TMEM132B: variants seen among roughly 807,000 people sequenced by gnomAD.
TMEM132B encodes the protein transmembrane protein 132B.
TMEM132B carries 18 observed loss-of-function variants against 90.8 expected under a neutral mutation model. The observed-to-expected ratio is 0.20, with a 90% CI of 0.14 to 0.29. The LOEUF is 0.29. Among genes scored for constraint, TMEM132B ranks in the 10% least tolerant of loss-of-function variants. TMEM132B has a pLI of 1.00. For synonymous variants in TMEM132B, 504 were observed against 523.3 expected (o/e 0.96, Z 0.50); for missense variants, 1,096 against 1,326.8 (o/e 0.83, Z 2.70).
intron 2 of TMEM132B, among the ~76,000 whole-genome samples, chr12:125,414,654 G>T (rs1000020647): frequency 1.3e-5 from 2 of 152,054 alleles, no homozygotes; most frequent in East Asian, 1.9e-4. Flanking sequence ...AAGTCCCAGC[G>T]GGCCCTTGTG....
chr12:125,477,361 T>C (rs1175337391), intron 3 of TMEM132B, among the ~76,000 whole-genome samples: 1 of 152,192 alleles, frequency 6.6e-6, no homozygotes, highest in Non-Finnish European at 1.5e-5. Flanking sequence ...AGCCAAGTAA[T>C]GTAATTATTC....
chr12:125,550,420 AT>A (rs1884197343), intron 4 of TMEM132B, among the ~76,000 whole-genome samples: 1 of 151,946 alleles, frequency 6.6e-6, no homozygotes, highest in South Asian at 2.1e-4. Flanking sequence ...TATTTTGAAA[AT>A]TTCCTGATCA....
intron 3 of TMEM132B, among the ~76,000 whole-genome samples, chr12:125,442,475 G>T (rs1224383960): frequency 6.6e-6 from 1 of 152,202 alleles, no homozygotes; most frequent in Non-Finnish European, 1.5e-5. Flanking sequence ...GTGGCCTCAG[G>T]CAGGTGACTC....
intron 1 of TMEM132B, among the ~76,000 whole-genome samples, chr12:125,307,363 TA>T (rs1190295642): frequency 1.3e-5 from 2 of 152,212 alleles, no homozygotes; most frequent in Non-Finnish European, 1.5e-5. Context: ...TAAATACGAC[TA>T]ATGTGTTTCA....
intron 4 of TMEM132B, among the ~76,000 whole-genome samples, chr12:125,528,213 A>G (rs1027119079): frequency 3.9e-5 from 6 of 151,900 alleles, no homozygotes; most frequent in Non-Finnish European, 7.4e-5. Context: ...TTTCTGCCCA[A>G]TTACTGAGCT....
At chr12:125,263,485 G>A (rs566241069) in intron 1 of TMEM132B, among the ~76,000 whole-genome samples, 1 of 152,222 alleles carries the variant, frequency 6.6e-6, no homozygotes, top group African/African-American at 2.4e-5. Flanking sequence ...TGGCGAGGAC[G>A]TTGTGTTTTT....
At chr12:125,509,067 A>G (rs1414507359) in intron 3 of TMEM132B, among the ~76,000 whole-genome samples, 1 of 152,058 alleles carries the variant, frequency 6.6e-6, no homozygotes, top group African/African-American at 2.4e-5. Context: ...TACAGGTGTG[A>G]GCCATCACAC....
chr12:125,601,675 G>C (rs965557123), intron 5 of TMEM132B, among the ~76,000 whole-genome samples: 3 of 152,054 alleles, frequency 2.0e-5, no homozygotes, highest in African/African-American at 7.2e-5. Flanking sequence ...ATGAATCCAG[G>C]AGCTCGATTT....
At chr12:125,429,885 T>C (rs147890495) in intron 3 of TMEM132B, among the ~76,000 whole-genome samples, 108 of 152,310 alleles carry the variant, frequency 7.1e-4, no homozygotes, top group Non-Finnish European at 1.4e-3. Flanking sequence ...CTTTCCACAC[T>C]GTACTCTTTG....
At position 125,270,112 on chromosome 12, in the gene TMEM132B, TTGTGTGTGTG is replaced by T. The variant is rs59168219; in HGVS notation, c.68-79312_68-79303del. Among the ~76,000 whole-genome samples, 26 of 143,250 alleles carry T rather than the reference TTGTGTGTGTG, an allele frequency of 1.8e-4. 1 individual carries two copies. Among genetic ancestry groups the T allele is most frequent in the South Asian group, 1.2e-3 (5 of 4,288 alleles). 94.0% of individuals were successfully genotyped at this position (143,250 alleles called of 152,430 possible). Reference sequence around the variant, plus strand: ...GCTAATGCCACATCTCACATCTTTGTTGTGTGTGTGTGTGTGTGTGTGTGTGTGTGTGTGT... The same window carrying T: ...GCTAATGCCACATCTCACATCTTTGTTGTGTGTGTGTGTGTGTGTGTGTGT... On this transcript the variant is annotated intron_variant, in intron 1 of 8. Transcript: ENST00000682704.
intron 1 of TMEM132B, among the ~76,000 whole-genome samples, chr12:125,252,381 G>A (rs867419986): frequency 1.3e-5 from 2 of 152,162 alleles, no homozygotes; most frequent in African/African-American, 2.4e-5. Flanking sequence ...TCCGTTAGGC[G>A]TGTCTGTTCC....
chr12:125,295,604 T>G (rs1345743682), intron 1 of TMEM132B, among the ~76,000 whole-genome samples: 1 of 152,012 alleles, frequency 6.6e-6, no homozygotes, highest in Non-Finnish European at 1.5e-5. Flanking sequence ...GCTGCTTTGT[T>G]GTGATGATGT....
chr12:125,375,907 C>A (rs1878465655), intron 2 of TMEM132B, among the ~76,000 whole-genome samples: 1 of 152,238 alleles, frequency 6.6e-6, no homozygotes, highest in African/African-American at 2.4e-5. Flanking sequence ...TGCACTCACA[C>A]CTTGGGAACC....
intron 7 of TMEM132B, 47 bp downstream of exon 7, chr12:125,651,000 G>C: frequency 6.2e-7 from 1 of 1,602,382 alleles, no homozygotes. Context: ...GTTGATGAGT[G>C]GCCAGGTAGA....
chr12:125,580,539 C>T (rs78884724), intron 4 of TMEM132B, among the ~76,000 whole-genome samples: 2,247 of 152,252 alleles, frequency 0.015, 47 homozygotes, highest in African/African-American at 0.05. Context: ...TTTTTACTGT[C>T]AATGTAGGCT....
intron 3 of TMEM132B, among the ~76,000 whole-genome samples, chr12:125,427,118 T>C (rs1880339720): frequency 6.6e-6 from 1 of 152,170 alleles, no homozygotes; most frequent in Non-Finnish European, 1.5e-5. Flanking sequence ...ATGCAAAAAT[T>C]TGATGTGGCA....
At chr12:125,615,137 A>T (rs781760819) in intron 5 of TMEM132B, among the ~76,000 whole-genome samples, 10 of 151,874 alleles carry the variant, frequency 6.6e-5, no homozygotes, top group Non-Finnish European at 1.2e-4. Flanking sequence ...TTTTACTGTG[A>T]TGTGTCTGAG....
intron 4 of TMEM132B, among the ~76,000 whole-genome samples, chr12:125,558,631 G>A (rs1172569047): frequency 6.6e-6 from 1 of 152,168 alleles, no homozygotes; most frequent in East Asian, 1.9e-4. Flanking sequence ...ATTGACTGAA[G>A]TACTTATAGA....
At position 125,496,651 on chromosome 12, in the gene TMEM132B, A is replaced by C. The variant is rs115883405; in HGVS notation, c.1107-22788A>C. 4.1e-3 allele frequency among the ~76,000 whole-genome samples: 623 copies of C among 152,248 alleles called. 4 individuals carry two copies. Among genetic ancestry groups the C allele is most frequent in the African/African-American group, 0.014 (583 of 41,554 alleles). On this transcript the variant is annotated intron_variant, in intron 3 of 8. Coordinates refer to ENST00000682704, the MANE Select transcript of TMEM132B (RefSeq NM_001366854.1). ...TAGACCTAGGGCTTGATGTGATGGAATCCTCCCTGTCACTCCCTGCCTTTG... is the reference window on the plus strand; with the variant it reads ...TAGACCTAGGGCTTGATGTGATGGACTCCTCCCTGTCACTCCCTGCCTTTG...
Sources: gnomAD v4.1 joint callset for allele counts (sites outside exome capture counted in the v4.1 genomes callset) on GRCh38, gnomAD v4.1.1 for gene constraint, MANE v1.5 for transcripts, NCBI Gene and HGNC (gene_info 2026-07-23, HGNC 2026-07-21) for gene names.